ERBIN: variants seen among roughly 807,000 people sequenced by gnomAD.
The protein encoded by ERBIN is densin-180-like protein.
A neutral mutation model predicts 158.4 loss-of-function variants in ERBIN; 60 were observed. The observed-to-expected ratio is 0.38, with a 90% CI of 0.31 to 0.47. The LOEUF is 0.47. ERBIN is among the 20% of genes least tolerant of loss of function. The pLI, the probability that ERBIN is intolerant of heterozygous loss-of-function variation, is 0.99. For missense variants in ERBIN, 1,610 were observed against 1,648.0 expected (o/e 0.98, Z 0.40); for synonymous variants, 594 against 557.2 (o/e 1.07, Z -0.93).
At chr5:65,940,475 GTCCCCCC>G in intron 1 of ERBIN, among the ~76,000 whole-genome samples, 1 of 76,824 alleles carries the variant, frequency 1.3e-5, no homozygotes. Flanking sequence ...GGGGGGGTCA[GTCCCCCC>G]CCCCCCGGCC....
At chr5:66,014,763 TA>T (rs776303590) in intron 7 of ERBIN, 38 bp downstream of exon 7, 19 of 1,006,154 alleles carry the variant, frequency 1.9e-5, no homozygotes, top group Non-Finnish European at 2.0e-5. Context: ...ACTTAATTTA[TA>T]ATTTTTAATG....
rs201547215 is a variant in ERBIN at position 66,012,111 on chromosome 5, G to A, written c.370G>A (p.Val124Ile). The A allele has an allele frequency of 1.3e-6, 2 of 1,599,760 alleles. No homozygotes were observed. Among genetic ancestry groups the A allele is most frequent in the South Asian group, 1.1e-5 (1 of 88,484 alleles). The change falls in exon 5 of 26, where the codon GTA (valine) becomes ATA (isoleucine). Residue 124 changes from valine (V) to isoleucine (I), a missense_variant. Transcript: ENST00000284037. Reference sequence around the variant, plus strand: ...AGTTTTGACAATTGTGGAGGCCAGTGTAAACCCTATTTCCAAGTAAGTTCT... The same window carrying A: ...AGTTTTGACAATTGTGGAGGCCAGTATAAACCCTATTTCCAAGTAAGTTCT... The part of the protein sequence containing the change: ...CKVLTIVEAS[V>I]NPISKLPDGF...
At chr5:66,056,379 G>C (rs1478321965) in intron 21 of ERBIN, among the ~76,000 whole-genome samples, 1 of 152,128 alleles carries the variant, frequency 6.6e-6, no homozygotes, top group Non-Finnish European at 1.5e-5. Context: ...GGACATAGAG[G>C]AGGAGTAGGA....
chr5:65,937,702 A>G (rs1399629450), intron 1 of ERBIN, among the ~76,000 whole-genome samples: 3 of 152,204 alleles, frequency 2.0e-5, no homozygotes, highest in Non-Finnish European at 4.4e-5. Flanking sequence ...AGGTCAGGAG[A>G]TCGAGACCAT....
intron 21 of ERBIN, among the ~76,000 whole-genome samples, chr5:66,057,909 C>CCATGATGTATATGTGCA (rs1759794108): frequency 1.3e-5 from 2 of 149,170 alleles, no homozygotes; most frequent in African/African-American, 5.2e-5. Flanking sequence ...GCATAGTATT[C>CCATGATGTATATGTGCA]ACATTTTCTT....
rs536107317 is a variant in ERBIN, at chr5:65,963,160, TAAC to T, written c.-57-25472_-57-25470del. On this transcript the variant is annotated intron_variant, in intron 1 of 25. Coordinates refer to ENST00000284037, the MANE Select transcript of ERBIN (RefSeq NM_001253697.2). Reference sequence around the variant, plus strand: ...TACTTTAGAATAGCTTTTTATTGCATAACAATAATTCTCATAGATCCATCCAAA... The same window carrying T: ...TACTTTAGAATAGCTTTTTATTGCATAATAATTCTCATAGATCCATCCAAA... Among the ~76,000 whole-genome samples the T allele has an allele frequency of 2.3e-3, 358 of 152,364 alleles. 2 individuals carry two copies. Among genetic ancestry groups the T allele is most frequent in the African/African-American group, 8.3e-3 (346 of 41,596 alleles).
At chr5:65,961,353 G>C (rs1319626012) in intron 1 of ERBIN, 1 of 152,120 alleles carries the variant, frequency 6.6e-6, no homozygotes, top group African/African-American at 2.4e-5. Flanking sequence ...GCTGATACTG[G>C]TGTTTATTTA....
intron 21 of ERBIN, among the ~76,000 whole-genome samples, chr5:66,061,533 G>A (rs948629343): frequency 1.6e-4 from 25 of 152,226 alleles, no homozygotes; most frequent in African/African-American, 4.3e-4. Flanking sequence ...GGAGCATTTA[G>A]CCCATTTACA....
intron 1 of ERBIN, among the ~76,000 whole-genome samples, chr5:65,950,171 A>G (rs1446238185): frequency 6.6e-6 from 1 of 151,798 alleles, no homozygotes; most frequent in East Asian, 2.0e-4. Flanking sequence ...ATGCCCAGCT[A>G]ATTTTTTGTA....
intron 1 of ERBIN, among the ~76,000 whole-genome samples, chr5:65,953,647 C>T (rs1746769492): frequency 6.6e-6 from 1 of 152,124 alleles, no homozygotes; most frequent in Non-Finnish European, 1.5e-5. Flanking sequence ...GATTTGATAT[C>T]AATTATTTGC....
Position 65,992,747 on chromosome 5 carries a change from G to A in ERBIN, c.29G>A (p.Arg10Gln), listed in dbSNP as rs747569024. 6 of 1,605,728 alleles carry A rather than the reference G, an allele frequency of 3.7e-6. No homozygotes were observed. Among genetic ancestry groups the A allele is most frequent in the Admixed American group, 3.5e-5 (2 of 57,820 alleles). The change falls in exon 3 of 26, where the codon CGG becomes CAG. Residue 10 changes from arginine to glutamine, a missense_variant. Arg to Gln is a conservative substitution (Grantham distance 43). Transcript: ENST00000284037. MTTKRSLFVRLVPCRCLRGE... is the reference protein window; with the variant it reads MTTKRSLFVQLVPCRCLRGE... ...ACTACAAAACGAAGTTTGTTTGTGC[G>A]GTTGGTACCATGTCGCTGTCTACGA...
At position 66,072,204 on chromosome 5, in the gene ERBIN, T is replaced by C; in HGVS notation, c.3669T>C (p.Cys1223=). 2 of 1,550,448 alleles carry C rather than the reference T, an allele frequency of 1.3e-6. No homozygotes were observed. Among genetic ancestry groups the C allele is most frequent in the Non-Finnish European group, 1.7e-6 (2 of 1,146,896 alleles). ...HPQTSSSGDP[C]QDGIFISGQQ... is the part of the protein sequence containing the mutation. Reference sequence around the variant, plus strand: ...AGACATCCAGTTCAGGAGATCCTTGTCAAGATGGTATATTCATTTCAGGAC... The same window carrying C: ...AGACATCCAGTTCAGGAGATCCTTGCCAAGATGGTATATTCATTTCAGGAC... The change falls in exon 22 of 26, where the codon TGT becomes TGC. Residue 1223 remains cysteine (C), a synonymous_variant. Transcript: ENST00000284037.
intron 15 of ERBIN, 81 bp downstream of exon 15, chr5:66,038,563 CT>C (rs1757620549): frequency 2.8e-6 from 3 of 1,058,536 alleles, no homozygotes; most frequent in African/African-American, 1.6e-5. Context: ...GTCTCAGAGA[CT>C]TTTACCAGTT....
chr5:66,060,029 G>A (rs950920404), intron 21 of ERBIN, among the ~76,000 whole-genome samples: 31 of 152,256 alleles, frequency 2.0e-4, no homozygotes, highest in African/African-American at 6.5e-4. Context: ...CCTGGCTTTC[G>A]TATCAGGATG....
chr5:65,964,937 TGTGTGTGTA>T (rs1173068259), intron 1 of ERBIN, among the ~76,000 whole-genome samples: 1 of 133,030 alleles, frequency 7.5e-6, no homozygotes, highest in Non-Finnish European at 1.6e-5. Context: ...TGTGTGTGTG[TGTGTGTGTA>T]ATTTTTTTTT....
intron 1 of ERBIN, among the ~76,000 whole-genome samples, chr5:65,966,419 G>T (rs545290981): frequency 6.6e-6 from 1 of 152,070 alleles, no homozygotes; most frequent in Non-Finnish European, 1.5e-5. Flanking sequence ...GGTAGCTCAC[G>T]CCTGTAATCC....
At chr5:66,026,205 T>G in intron 12 of ERBIN, 97 bp from the exon 13 acceptor site, 1 of 788,994 alleles carries the variant, frequency 1.3e-6, no homozygotes, top group Non-Finnish European at 1.9e-6. Context: ...TCTATAAATG[T>G]GAAGTATTTT....
intron 1 of ERBIN, among the ~76,000 whole-genome samples, chr5:65,987,990 T>G (rs1405991002): frequency 1.3e-5 from 2 of 152,206 alleles, no homozygotes; most frequent in East Asian, 3.8e-4. Flanking sequence ...AAGTTCAAAT[T>G]AATGGCATTT....
chr5:65,993,533 C>G (rs1309791326), intron 3 of ERBIN, among the ~76,000 whole-genome samples: 11 of 151,990 alleles, frequency 7.2e-5, no homozygotes, highest in Non-Finnish European at 1.5e-5. Context: ...ATCCCAGTCT[C>G]TCATTATCCT....
Sources: allele counts gnomAD v4.1 joint callset (sites outside exome capture counted in the v4.1 genomes callset), GRCh38; gene constraint gnomAD v4.1.1; transcripts MANE v1.5; gene names NCBI Gene and HGNC (gene_info 2026-07-23, HGNC 2026-07-21).